ACOX1: variants seen among roughly 807,000 people sequenced by gnomAD.
ACOX1 encodes acyl-CoA oxidase 1.
A neutral mutation model predicts 75.5 loss-of-function variants in ACOX1; 41 were observed. The observed-to-expected ratio is 0.54, with a 90% confidence interval of 0.42 to 0.70. The LOEUF is 0.70. Among genes scored for constraint, ACOX1 ranks in the 30% least tolerant of loss-of-function variants. The pLI, the probability that ACOX1 is intolerant of heterozygous loss-of-function variation, is 0.00. For synonymous variants in ACOX1, 303 were observed against 298.8 expected, an observed-to-expected ratio of 1.01 and a Z score of -0.15; for missense variants, 630 against 837.5, an observed-to-expected ratio of 0.75 and a Z score of 3.06.
chr17:75,973,752 G>A (rs1404671821), intron 2 of ACOX1: 1 of 1,613,978 alleles, frequency 6.2e-7, no homozygotes, highest in Non-Finnish European at 8.5e-7. Context: ...AGTAATTGAG[G>A]CCCACAGGTT....
chr17:75,942,638 A>G lies in ACOX1; in HGVS notation c.*4110T>C, dbSNP rs1341006007. ...TCAACAAGACTCTTGGTCTCAGGTC[A>G]TCAGTTTCCTGGCACTCCTCCTCTC... On this transcript the variant is annotated 3_prime_UTR_variant, in exon 14 of 14. Coordinates refer to ENST00000293217, the MANE Select transcript of ACOX1 (RefSeq NM_004035.7). The G allele has an allele frequency of 3.9e-5, 6 of 152,068 alleles. No individual in the cohort carries two copies. The highest frequency in any genetic ancestry group is 1.4e-4 in the African/African-American group (6 of 41,404). 9.4% of individuals were successfully genotyped at this position (152,068 alleles called of 1,614,324 possible).
chr17:75,946,162 T>C lies in ACOX1; in HGVS notation c.*586A>G, dbSNP rs1284581796. On this transcript the variant is annotated 3_prime_UTR_variant, in exon 14 of 14. Coordinates refer to ENST00000293217, the MANE Select transcript of ACOX1 (RefSeq NM_004035.7). ...TTCCCTCGTTGGAAAAATGCTAGCA[T>C]GAATAGTTTGATAAATGCAATCCAT... is the stretch of plus-strand genomic sequence containing the variant. 6.2e-6 allele frequency: 1 copy of C among 162,098 alleles called. No homozygotes were observed. Among genetic ancestry groups the C allele is most frequent in the Non-Finnish European group, 1.4e-5 (1 of 73,742 alleles). 10.0% of individuals were successfully genotyped at this position (162,098 alleles called of 1,614,324 possible). A position where few individuals can be genotyped will look rare whatever the true frequency, so the allele number is the denominator to read the frequency against.
At chr17:75,958,611 A>G (rs973704291) in intron 3 of ACOX1, among the ~76,000 whole-genome samples, 6 of 151,926 alleles carry the variant, frequency 3.9e-5, no homozygotes, top group South Asian at 2.1e-4. Flanking sequence ...GATCGAGACC[A>G]TCCTGGTTAA....
At position 75,949,704 on chromosome 17, in the gene ACOX1, G is replaced by A; in HGVS notation, c.1478+14C>T. On this transcript the variant is annotated intron_variant, in intron 10 of 13. Transcript: ENST00000293217. ...CCCACTGCTGCGTATTCTAGCTCTT[G>A]AGGGAGAGCTCACCTGGCTGCACGG... 6.2e-7 allele frequency: 1 copy of A among 1,614,076 alleles called. No individual in the cohort carries two copies. Among genetic ancestry groups the A allele is most frequent in the Non-Finnish European group, 8.5e-7 (1 of 1,179,958 alleles).
chr17:75,942,735 AG>A lies in ACOX1; in HGVS notation c.*4012del, dbSNP rs2065684058. 6.6e-6 allele frequency: 1 copy of A among 152,082 alleles called. No individual in the cohort carries two copies. The highest frequency in any genetic ancestry group is 2.4e-5 in the African/African-American group (1 of 41,392). 9.4% of individuals were successfully genotyped at this position (152,082 alleles called of 1,614,324 possible). A position where few individuals can be genotyped will look rare whatever the true frequency, so the allele number is the denominator to read the frequency against. On this transcript the variant is annotated 3_prime_UTR_variant, in exon 14 of 14. Coordinates refer to ENST00000293217, the MANE Select transcript of ACOX1 (RefSeq NM_004035.7). The stretch of plus-strand genomic sequence containing the variant: ...AGGCATACCCTCTACACGTATAAAA[AG>A]ATGTGCAGGTGTTACAGACCACCTA...
chr17:75,959,384 G>A (rs2065868337), intron 3 of ACOX1, among the ~76,000 whole-genome samples: 1 of 152,210 alleles, frequency 6.6e-6, no homozygotes, highest in Non-Finnish European at 1.5e-5. Context: ...GGAGTCTCAT[G>A]AAAATCCTGT....
At chr17:75,948,558 CTTTT>C (rs1040565790) in intron 12 of ACOX1, 101 bp from the exon 13 acceptor site, 6 of 849,840 alleles carry the variant, frequency 7.1e-6, no homozygotes, top group Non-Finnish European at 1.0e-5. Context: ...TTATTTTTTT[CTTTT>C]TTTTTTTTTG....
intron 2 of ACOX1, among the ~76,000 whole-genome samples, chr17:75,968,759 C>T (rs34454329): frequency 0.022 from 3,381 of 150,592 alleles, 64 homozygotes; most frequent in Non-Finnish European, 0.031. Context: ...CCCGTCTCTA[C>T]TAAAAATACA....
In ACOX1 at chr17:75,978,978, G is replaced by A; in HGVS notation, c.96C>T (p.Arg32=). Residue 32 remains arginine (R), a synonymous_variant, in exon 1 of 14, where the codon CGC becomes CGT. Transcript: ENST00000293217. The surrounding 1 kb of genome is among the most constrained non-coding windows in gnomAD (Gnocchi z 4.2). ...CGCCGCCCTCACCGATCTCTCGGCG[G>A]CGCCGGGTTTTCTCGGGGCTGCCGT... ...ILDGSPEKTR[R]RREIENMILN... 1 of 1,610,576 alleles carries A rather than the reference G, an allele frequency of 6.2e-7. No homozygotes were observed.
At chr17:75,968,913 A>ATT (rs1409249659) in intron 2 of ACOX1, among the ~76,000 whole-genome samples, 5 of 135,802 alleles carry the variant, frequency 3.7e-5, no homozygotes, top group African/African-American at 1.6e-4. Context: ...CAAGAGCAAA[A>ATT]CTCCGTCTCA....
At chr17:75,968,605 GAA>G (rs56009651) in intron 2 of ACOX1, among the ~76,000 whole-genome samples, 5 of 69,220 alleles carry the variant, frequency 7.2e-5, no homozygotes, top group Non-Finnish European at 7.9e-5. Context: ...GACTCCGCCT[GAA>G]AAAAAAAAAA....
chr17:75,947,310 T>C (rs145626985), intron 13 of ACOX1, among the ~76,000 whole-genome samples: 587 of 149,108 alleles, frequency 3.9e-3, no homozygotes, highest in African/African-American at 0.014. Context: ...TGCAATGGCA[T>C]GGTCTCGGCT....
intron 2 of ACOX1, among the ~76,000 whole-genome samples, chr17:75,967,665 TATATAC>T (rs371091269): frequency 4.1e-5 from 4 of 98,082 alleles, no homozygotes; most frequent in East Asian, 5.5e-4. Flanking sequence ...TACATACATA[TATATAC>T]ATATATATAC....
intron 5 of ACOX1, 37 bp from the exon 6 acceptor site, chr17:75,955,718 G>C (rs775830818): frequency 2.5e-6 from 4 of 1,610,628 alleles, no homozygotes; most frequent in African/African-American, 2.7e-5. Context: ...AGATGTTTAT[G>C]CTCTGGAATT....
chr17:75,953,380 G>T, intron 7 of ACOX1, 71 bp downstream of exon 7: 1 of 1,572,744 alleles, frequency 6.4e-7, no homozygotes, highest in Non-Finnish European at 8.7e-7. Context: ...TTGACATTTG[G>T]GAATTCTGGG....
At position 75,979,001 on chromosome 17, in the gene ACOX1, C is replaced by A; in HGVS notation, c.73G>T (p.Gly25Cys). ...NPELLTHILD[G>C]SPEKTRRRRE... ...CGGCGCCGGGTTTTCTCGGGGCTGCCGTCCAGGATGTGTGTAAGCAGCTCC... is the reference window on the plus strand; with the variant it reads ...CGGCGCCGGGTTTTCTCGGGGCTGCAGTCCAGGATGTGTGTAAGCAGCTCC... Residue 25 changes from glycine to cysteine, a missense_variant, in exon 1 of 14, where the codon GGC (glycine) becomes TGC (cysteine). Physicochemically the swap from Gly to Cys is radical, Grantham distance 159. This residue lies in a region of ACOX1 where 390 missense variants were observed against 574.9 expected (regional missense o/e 0.68). Coordinates refer to ENST00000293217, the MANE Select transcript of ACOX1 (RefSeq NM_004035.7). The A allele has an allele frequency of 3.7e-6, 6 of 1,611,734 alleles. No homozygotes were observed. The highest frequency in any genetic ancestry group is 2.2e-5 in the South Asian group (2 of 91,090).
chr17:75,976,089 C>T (rs371902773), intron 2 of ACOX1, among the ~76,000 whole-genome samples: 8 of 152,112 alleles, frequency 5.3e-5, no homozygotes, highest in East Asian at 1.9e-4. Flanking sequence ...ATTATATAAC[C>T]GAGGCTTTAA....
At position 75,950,658 on chromosome 17, in the gene ACOX1, C is replaced by T. The variant is rs1478199038; in HGVS notation, c.1298+116G>A. ...AGTCAGGATGGAAGGCAAAAGTATA[C>T]CTTTCAGGAACAAATATATATATAC... is the stretch of plus-strand genomic sequence containing the variant. On this transcript the variant is annotated intron_variant, in intron 9 of 13. Transcript: ENST00000293217. The surrounding 1 kb of genome is among the most constrained non-coding windows in gnomAD (Gnocchi z 4.3). 1 of 1,198,984 alleles carries T rather than the reference C, an allele frequency of 8.3e-7. No homozygotes were observed. Among genetic ancestry groups the T allele is most frequent in the Non-Finnish European group, 1.2e-6 (1 of 827,942 alleles). 74.3% of individuals were successfully genotyped at this position (1,198,984 alleles called of 1,614,324 possible).
At chr17:75,961,055 G>A (rs1238122445) in intron 2 of ACOX1, among the ~76,000 whole-genome samples, 1 of 151,876 alleles carries the variant, frequency 6.6e-6, no homozygotes, top group Non-Finnish European at 1.5e-5. Context: ...CACTCTGAGA[G>A]GCCGAGGTGG....
Sources: allele counts gnomAD v4.1 joint callset (sites outside exome capture counted in the v4.1 genomes callset), GRCh38; gene constraint gnomAD v4.1.1; regional missense constraint gnomAD v4.1.1; non-coding constraint Gnocchi (gnomAD v3.1); transcripts MANE v1.5; gene names NCBI Gene and HGNC (gene_info 2026-07-23, HGNC 2026-07-21).